CLIC5: variants seen among roughly 807,000 people sequenced by gnomAD.
CLIC5 encodes chloride intracellular channel protein 5.
Under a neutral mutation model 24.7 loss-of-function variants are expected in CLIC5, and 20 were observed. The observed-to-expected ratio is 0.81, with a 90% CI of 0.57 to 1.18. The LOEUF (loss-of-function observed/expected upper bound fraction) is 1.18, where lower values mean the gene tolerates loss of function less well. CLIC5 is among the 50% of genes most tolerant of loss of function. The probability of loss-of-function intolerance (pLI) is 0.00; values close to 1 mark genes in which losing one functional copy is unlikely to be tolerated. For synonymous variants in CLIC5, 159 were observed against 135.6 expected (o/e 1.17, Z -1.20); for missense variants, 341 against 326.1 (o/e 1.05, Z -0.35).
intron 1 of CLIC5, among the ~76,000 whole-genome samples, chr6:46,000,993 A>G (rs1393380265): frequency 6.6e-6 from 1 of 152,182 alleles, no homozygotes; most frequent in African/African-American, 2.4e-5. Context: ...TTCACTCTAC[A>G]GTGTTCACCA....
chr6:46,049,591 C>G (rs143632283), intron 1 of CLIC5, among the ~76,000 whole-genome samples: 2 of 152,126 alleles, frequency 1.3e-5, no homozygotes, highest in Non-Finnish European at 2.9e-5. Context: ...GTATGAGTCC[C>G]CATTTCAATA....
intron 1 of CLIC5, among the ~76,000 whole-genome samples, chr6:45,976,294 G>A (rs542532474): frequency 6.6e-6 from 1 of 152,326 alleles, no homozygotes; most frequent in South Asian, 2.1e-4. Flanking sequence ...TCGGAAAAGT[G>A]TCCTTTCATT....
rs1762539337 is a variant in CLIC5 at position 45,902,611 on chromosome 6, A to T, written c.*477T>A. On this transcript the variant is annotated 3_prime_UTR_variant, in exon 6 of 6. Coordinates refer to ENST00000339561, the MANE Select transcript of CLIC5 (RefSeq NM_016929.5). ...TCCATAGCCAGCTCGGTACTCCTCC[A>T]TTCACTCTCTCTGTCTCCCCTAATG... 1 of 159,928 alleles carries T rather than the reference A, an allele frequency of 6.3e-6. No individual in the cohort carries two copies. The highest frequency in any genetic ancestry group is 1.4e-5 in the Non-Finnish European group (1 of 72,096). The allele number at this position is 159,928 out of a possible 1,614,324, so 9.9% of individuals were successfully genotyped here.
chr6:45,950,600 A>C (rs1241374376), intron 2 of CLIC5, among the ~76,000 whole-genome samples: 1 of 152,152 alleles, frequency 6.6e-6, no homozygotes, highest in Non-Finnish European at 1.5e-5. Flanking sequence ...AAACTCATAC[A>C]TTTTAAATTT....
intron 1 of CLIC5, among the ~76,000 whole-genome samples, chr6:46,053,385 G>A (rs1291939577): frequency 6.6e-6 from 1 of 152,200 alleles, no homozygotes; most frequent in Non-Finnish European, 1.5e-5. Flanking sequence ...ATGGTGAGGA[G>A]GATGTTTGAG....
At chr6:45,974,163 A>G (rs1417444712) in intron 1 of CLIC5, among the ~76,000 whole-genome samples, 1 of 151,886 alleles carries the variant, frequency 6.6e-6, no homozygotes, top group African/African-American at 2.4e-5. Flanking sequence ...AGAAATATAT[A>G]TAGTTTTATA....
chr6:45,947,211 C>A (rs912675052), intron 3 of CLIC5, among the ~76,000 whole-genome samples: 5 of 152,244 alleles, frequency 3.3e-5, no homozygotes, highest in African/African-American at 1.2e-4. Flanking sequence ...TGTGGTCCCA[C>A]CGTGGTTGCA....
chr6:46,111,534 T>C, the CLIC5 span, among the ~76,000 whole-genome samples: 1 of 152,238 alleles, frequency 6.6e-6, no homozygotes, highest in Non-Finnish European at 1.5e-5. Flanking sequence ...TGACCTGATC[T>C]ATTCTCAGGT....
intron 6 of CLIC5, among the ~76,000 whole-genome samples, chr6:45,884,325 G>T (rs1762285595): frequency 6.6e-6 from 1 of 152,200 alleles, no homozygotes; most frequent in South Asian, 2.1e-4. Context: ...AAGATGATTG[G>T]CAGGAATGTA....
chr6:46,075,490 C>T (rs1436924018), intron 1 of CLIC5, among the ~76,000 whole-genome samples: 3 of 151,816 alleles, frequency 2.0e-5, no homozygotes, highest in Admixed American at 6.6e-5. Context: ...GAGGCTGAGG[C>T]GGGAGAATGG....
rs921620983 is a variant in CLIC5 at position 45,898,487 on chromosome 6, A to C, written c.*4601T>G. On this transcript the variant is annotated 3_prime_UTR_variant, in exon 6 of 6. Coordinates refer to ENST00000339561, the MANE Select transcript of CLIC5 (RefSeq NM_016929.5). ...TTGAAAATAAACCAACTTTATTTGA[A>C]TCAGTCAATACCAATCAAGACTGGA... 3.9e-5 allele frequency: 6 copies of C among 152,656 alleles called. No homozygotes were observed. The highest frequency in any genetic ancestry group is 1.4e-4 in the African/African-American group (6 of 41,464). The allele number at this position is 152,656 out of a possible 1,614,324, so 9.5% of individuals were successfully genotyped here. A position where few individuals can be genotyped will look rare whatever the true frequency, so the allele number is the denominator to read the frequency against.
intron 5 of CLIC5, among the ~76,000 whole-genome samples, chr6:45,909,285 G>A (rs1047684582): frequency 6.6e-6 from 1 of 152,090 alleles, no homozygotes. Flanking sequence ...TACATTCAAG[G>A]TTAATATTGA....
At chr6:45,982,192 T>C (rs1425977833) in intron 1 of CLIC5, among the ~76,000 whole-genome samples, 1 of 152,020 alleles carries the variant, frequency 6.6e-6, no homozygotes, top group Admixed American at 6.6e-5. Context: ...TGAACAAACC[T>C]TGGACACCTA....
chr6:45,911,681 A>G (rs931619607), intron 5 of CLIC5: 2 of 985,154 alleles, frequency 2.0e-6, no homozygotes, highest in Non-Finnish European at 1.2e-6. Flanking sequence ...TAGTTTCAAT[A>G]CAGCAGAAAT....
chr6:45,987,220 C>A (rs1459450410), intron 1 of CLIC5, among the ~76,000 whole-genome samples: 2 of 152,182 alleles, frequency 1.3e-5, no homozygotes, highest in Non-Finnish European at 2.9e-5. Context: ...TCTACAAAAC[C>A]TTTCCTGATA....
chr6:45,980,323 T>G (rs1176746366), intron 1 of CLIC5, among the ~76,000 whole-genome samples: 1 of 152,152 alleles, frequency 6.6e-6, no homozygotes, highest in African/African-American at 2.4e-5. Context: ...TAAAACCAAA[T>G]ACTGCATGTT....
upstream of CLIC5, among the ~76,000 whole-genome samples, chr6:46,084,508 T>C (rs565229537): frequency 6.6e-6 from 1 of 152,152 alleles, no homozygotes; most frequent in African/African-American, 2.4e-5. Context: ...GTCTGTAAAG[T>C]ATTTTATTTC....
chr6:46,085,527 G>T, the CLIC5 span, among the ~76,000 whole-genome samples: 2 of 152,204 alleles, frequency 1.3e-5, no homozygotes, highest in African/African-American at 4.8e-5. Flanking sequence ...GTTGGAGTTT[G>T]CTAGAGGTCC....
At chr6:46,017,646 A>T (rs1183691399), upstream of CLIC5, among the ~76,000 whole-genome samples, 4 of 152,342 alleles carry the variant, frequency 2.6e-5, no homozygotes, top group South Asian at 4.1e-4. Context: ...TTTCAGAATA[A>T]TAGTTACATG....
Sources: allele counts gnomAD v4.1 joint callset (sites outside exome capture counted in the v4.1 genomes callset), GRCh38; gene constraint gnomAD v4.1.1; transcripts MANE v1.5; gene names NCBI Gene and HGNC (gene_info 2026-07-23, HGNC 2026-07-21).